GRIPAP1: variants seen among roughly 807,000 people sequenced by gnomAD.
The protein encoded by GRIPAP1 is GRIP1-associated protein 1.
In GRIPAP1, 14 loss-of-function variants were observed where a neutral mutation model predicts 84.1. The ratio of observed to expected loss-of-function variants is 0.17; its 90% confidence interval spans 0.11 to 0.26. GRIPAP1 has a LOEUF of 0.26. Among genes scored for constraint, GRIPAP1 ranks in the 10% least tolerant of loss-of-function variants. The probability of loss-of-function intolerance (pLI) is 1.00; values close to 1 mark genes in which losing one functional copy is unlikely to be tolerated. For missense variants in GRIPAP1, 518 were observed against 674.2 expected (o/e 0.77, Z 2.57); for synonymous variants, 261 against 256.8 (o/e 1.02, Z -0.15).
In GRIPAP1 at chrX:48,978,384, G is replaced by A. The variant is rs782370081; in HGVS notation, c.1982C>T (p.Thr661Ile). The A allele has an allele frequency of 3.3e-6, 4 of 1,208,849 alleles. No individual in the cohort carries two copies. The highest frequency in any genetic ancestry group is 1.8e-5 in the South Asian group (1 of 56,420). ...SEMNSPSRTQ[T>I]GDSSSISSFS... ...GGAGGAGATGCTACTGCTGTCCCCT[G>A]TCTGGGTCCGGCTTGGTGAGTTCAT... The change falls in exon 22 of 26, where the codon ACA becomes ATA. Residue 661 changes from threonine to isoleucine, a missense_variant. Thr to Ile is a moderately conservative substitution (Grantham distance 89, BLOSUM62 -1). This residue lies in a region of GRIPAP1 where 66 missense variants were observed against 65.2 expected (regional missense o/e 1.01). Transcript: ENST00000376423.
Position 48,976,313 on chromosome X carries a change from T to G in GRIPAP1, c.2112A>C (p.Ser704=). ...GAAAGAGCTCAGCCACTTCCTCATC[T>G]GACAGCTCTGCTGGCCGAGGGGGCT... is the stretch of plus-strand genomic sequence containing the variant. ...QAQPPRPAEL[S]DEEVAELFQR... is the part of the protein sequence containing the mutation. The change falls in exon 23 of 26, where the codon TCA becomes TCC. Residue 704 remains serine, a synonymous_variant. Coordinates refer to ENST00000376423, the MANE Select transcript of GRIPAP1 (RefSeq NM_020137.5). 1 of 1,193,945 alleles carries G rather than the reference T, an allele frequency of 8.4e-7. No homozygotes were observed. The highest frequency in any genetic ancestry group is 1.8e-5 in the South Asian group (1 of 54,401).
chrX:48,991,407 G>A, intron 6 of GRIPAP1: 2 of 285,321 alleles, frequency 7.0e-6, no homozygotes, highest in Middle Eastern at 1.1e-3. Context: ...ACTCTCCCAA[G>A]TAGCTGGGAT....
At chrX:48,979,673 G>A (rs1158339686) in intron 21 of GRIPAP1, among the ~76,000 whole-genome samples, 2 of 104,824 alleles carry the variant, frequency 1.9e-5, no homozygotes, top group Admixed American at 1.0e-4. Flanking sequence ...GTACAATGGC[G>A]CAATCTCGGC....
intron 6 of GRIPAP1, among the ~76,000 whole-genome samples, chrX:48,992,727 C>CT (rs1211382925): frequency 8.9e-6 from 1 of 112,171 alleles, no homozygotes; most frequent in Admixed American, 9.5e-5. Context: ...CTCCCACACT[C>CT]TATCAAGCTT....
At chrX:48,997,080 G>A (rs782769197) in intron 5 of GRIPAP1, among the ~76,000 whole-genome samples, 170 bp downstream of exon 5, 2 of 110,977 alleles carry the variant, frequency 1.8e-5, no homozygotes, top group South Asian at 3.8e-4. Flanking sequence ...CAGAGTGAGC[G>A]GCCCCATCTG....
rs781820410 is a variant in GRIPAP1 at position 48,984,805 on chromosome X, G to A, written c.1176+463C>T. 1.2e-3 allele frequency among the ~76,000 whole-genome samples: 130 copies of A among 104,406 alleles called. No individual in the cohort carries two copies. In the East Asian group the frequency reaches 0.014, roughly 11 times the overall value. 90.7% of individuals were successfully genotyped at this position (104,406 alleles called of 115,157 possible). A position where few individuals can be genotyped will look rare whatever the true frequency, so the allele number is the denominator to read the frequency against. ...CGGGAGGCCGAGGCGGGCAGATCAC[G>A]AGGTCAGGAGATCGAAACCATCCTG... is the stretch of plus-strand genomic sequence containing the variant. On this transcript the variant is annotated intron_variant, in intron 14 of 25. Coordinates refer to ENST00000376423, the MANE Select transcript of GRIPAP1 (RefSeq NM_020137.5).
In GRIPAP1 at chrX:48,973,734, C is replaced by T. The variant is rs1602464178; in HGVS notation, c.*459G>A. 1.8e-5 allele frequency: 2 copies of T among 111,721 alleles called. No individual in the cohort carries two copies. The highest frequency in any genetic ancestry group is 1.9e-4 in the Admixed American group (2 of 10,404). The allele number at this position is 111,721 out of a possible 1,213,427, so 9.2% of individuals were successfully genotyped here. ...AGACGAGACAGTCAGTGGGTGGGCC[C>T]GTCTGGCCAGATGGTATTTTGGCTG... is the stretch of plus-strand genomic sequence containing the variant. On this transcript the variant is annotated 3_prime_UTR_variant, in exon 26 of 26. Transcript: ENST00000376423.
At chrX:48,996,376 C>T (rs782652042) in intron 5 of GRIPAP1, among the ~76,000 whole-genome samples, 5 of 112,449 alleles carry the variant, frequency 4.4e-5, no homozygotes, top group East Asian at 2.8e-4. Context: ...GAGGCCAAGA[C>T]GGGTGGATCA....
chrX:48,988,350 C>T (rs1032674838), intron 11 of GRIPAP1, 152 bp from the exon 12 acceptor site: 12 of 455,227 alleles, frequency 2.6e-5, no homozygotes, highest in East Asian at 7.5e-5. Context: ...TTCACCCAGA[C>T]GCCAGGTCAC....
chrX:48,999,554 C>A, intron 1 of GRIPAP1, 50 bp from the exon 2 acceptor site: 1 of 942,446 alleles, frequency 1.1e-6, no homozygotes, highest in African/African-American at 1.9e-5. Context: ...AGCGCCCCTA[C>A]CCCTACCATG....
At chrX:48,994,514 G>A (rs782800909) in intron 5 of GRIPAP1, among the ~76,000 whole-genome samples, 3 of 111,440 alleles carry the variant, frequency 2.7e-5, no homozygotes, top group African/African-American at 6.5e-5. Context: ...ATGAGCCACC[G>A]CACCCGGCCT....
chrX:48,999,115 A>G (rs1328924428), intron 3 of GRIPAP1, 123 bp downstream of exon 3: 13 of 444,814 alleles, frequency 2.9e-5, no homozygotes, highest in African/African-American at 4.9e-5. Context: ...TTAAATGACT[A>G]CGTGAAAACA....
intron 25 of GRIPAP1, among the ~76,000 whole-genome samples, 181 bp downstream of exon 25, chrX:48,974,974 T>C (rs782753045): frequency 9.2e-6 from 1 of 109,262 alleles, no homozygotes. Flanking sequence ...GAATGGATAA[T>C]AAGTTGATGA....
chrX:49,000,692 C>CA (rs1174699476), intron 1 of GRIPAP1: 33 of 107,383 alleles, frequency 3.1e-4, no homozygotes, highest in African/African-American at 6.8e-4. Context: ...GACTCTGTCT[C>CA]AAAAAAAAAG....
At position 48,993,408 on chromosome X, in the gene GRIPAP1, C is replaced by G. The variant is rs1353403064; in HGVS notation, c.457+20G>C. On this transcript the variant is annotated intron_variant, in intron 6 of 25. Coordinates refer to ENST00000376423, the MANE Select transcript of GRIPAP1 (RefSeq NM_020137.5). ...CTCAAGCCCCAATGTCTCCGCATCC[C>G]CAGGAGGGCCTCTATGCACCTGCCA... The G allele has an allele frequency of 9.0e-7, 1 of 1,110,054 alleles. No individual in the cohort carries two copies. Among genetic ancestry groups the G allele is most frequent in the Non-Finnish European group, 1.2e-6 (1 of 843,798 alleles). 91.5% of individuals were successfully genotyped at this position (1,110,054 alleles called of 1,213,427 possible). A position where few individuals can be genotyped will look rare whatever the true frequency, so the allele number is the denominator to read the frequency against.
Position 48,999,195 on chromosome X carries a change from C to T in GRIPAP1, c.171+43G>A, listed in dbSNP as rs183801032. Reference sequence around the variant, plus strand: ...GATGAATGAGTCAGATAGGTAGAAGCAAGGGTGGATGGGTAGGTGGATGGG... The same window carrying T: ...GATGAATGAGTCAGATAGGTAGAAGTAAGGGTGGATGGGTAGGTGGATGGG... On this transcript the variant is annotated intron_variant, in intron 3 of 25. Transcript: ENST00000376423. 9.3e-5 allele frequency: 96 copies of T among 1,033,459 alleles called. No homozygotes were observed. In the African/African-American group the frequency reaches 1.6e-3, roughly 17 times the overall value. 85.2% of individuals were successfully genotyped at this position (1,033,459 alleles called of 1,213,427 possible). A position where few individuals can be genotyped will look rare whatever the true frequency, so the allele number is the denominator to read the frequency against.
intron 11 of GRIPAP1, 120 bp from the exon 12 acceptor site, chrX:48,988,318 T>C (rs1205447939): frequency 4.0e-6 from 2 of 498,421 alleles, no homozygotes; most frequent in Admixed American, 3.1e-5. Flanking sequence ...TCTCAGACTA[T>C]CCAGCCAACA....
chrX:48,980,139 G>A (rs2064447746), intron 21 of GRIPAP1, among the ~76,000 whole-genome samples: 1 of 109,830 alleles, frequency 9.1e-6, no homozygotes, highest in Admixed American at 9.9e-5. Context: ...TAATCTAAGA[G>A]ATGCACCAGA....
chrX:48,990,460 G>A (rs914393319), intron 8 of GRIPAP1, among the ~76,000 whole-genome samples: 4 of 112,370 alleles, frequency 3.6e-5, no homozygotes, highest in Non-Finnish European at 1.9e-5. Flanking sequence ...AAAGCTGAGA[G>A]ATGGATGGGA....
Sources: gnomAD v4.1 joint callset for allele counts (sites outside exome capture counted in the v4.1 genomes callset) on GRCh38, gnomAD v4.1.1 for gene constraint, gnomAD v4.1.1 regional missense constraint, MANE v1.5 for transcripts, NCBI Gene and HGNC (gene_info 2026-07-23, HGNC 2026-07-21) for gene names.